The following TMEM278 variants were observed in gnomAD, a reference collection of about 807,000 sequenced individuals.
TMEM278 encodes the protein transmembrane protein 88B.
the TMEM278 span, among the ~76,000 whole-genome samples, chr1:1,428,000 A>G: frequency 2.7e-5 from 2 of 74,726 alleles, no homozygotes; most frequent in Non-Finnish European, 6.8e-5. Context: ...AGGGGAAGAG[A>G]GGGGAGGGGA....
the TMEM278 span, among the ~76,000 whole-genome samples, chr1:1,425,889 T>G: frequency 6.6e-6 from 1 of 151,962 alleles, no homozygotes; most frequent in African/African-American, 2.4e-5. Context: ...AGGAGCTGGC[T>G]GGGGCTGGAG....
the TMEM278 span, chr1:1,427,758 G>A: frequency 2.4e-5 from 32 of 1,320,322 alleles, no homozygotes; most frequent in African/African-American, 2.6e-4. Flanking sequence ...GCGCCCCGAC[G>A]AGGACGAGCA....
At chr1:1,425,988 CT>C in the TMEM278 span, 1 of 1,248,590 alleles carries the variant, frequency 8.0e-7, no homozygotes, top group South Asian at 3.6e-5. Context: ...CAGGACCTCC[CT>C]AGCCAGGGTC....
chr1:1,427,585 C>A, the TMEM278 span: 1 of 1,235,216 alleles, frequency 8.1e-7, no homozygotes, highest in Non-Finnish European at 1.0e-6. Flanking sequence ...CGGTGCCGCG[C>A]GCTGTTCTCA....
At chr1:1,426,163 G>C in the TMEM278 span, 5 of 1,415,340 alleles carry the variant, frequency 3.5e-6, no homozygotes, top group East Asian at 2.8e-5. Flanking sequence ...AGGAGGAGGA[G>C]GGGGGAGGTG....
chr1:1,427,799 C>T, the TMEM278 span: 4 of 1,379,990 alleles, frequency 2.9e-6, no homozygotes, highest in East Asian at 3.4e-5. Flanking sequence ...CCGGCGGCCG[C>T]TGCGAAACCC....
chr1:1,429,136 T>C, the TMEM278 span, among the ~76,000 whole-genome samples: 1 of 151,692 alleles, frequency 6.6e-6, no homozygotes, highest in Non-Finnish European at 1.5e-5. Context: ...GCCATTGCAC[T>C]CCAGCCTGGA....
the TMEM278 span, chr1:1,427,718 T>G: frequency 3.0e-6 from 4 of 1,317,938 alleles, no homozygotes; most frequent in Non-Finnish European, 3.9e-6. Flanking sequence ...CTCCGCCCGC[T>G]GGGACCCCCG....
chr1:1,427,933 C>T, the TMEM278 span: 395 of 636,684 alleles, frequency 6.2e-4, 1 homozygote, highest in Non-Finnish European at 1.6e-4. Flanking sequence ...CCGGCCTCCC[C>T]CGCCCGCAGC....
At chr1:1,426,330 T>C in the TMEM278 span, 1 of 1,459,074 alleles carries the variant, frequency 6.9e-7, no homozygotes, top group Non-Finnish European at 9.1e-7. Flanking sequence ...GCCTTCCTGC[T>C]GGTGCTCCTG....
the TMEM278 span, chr1:1,427,664 G>C: frequency 3.7e-6 from 5 of 1,338,892 alleles, no homozygotes; most frequent in South Asian, 9.1e-5. Flanking sequence ...TGCTCGCCTC[G>C]GCCGTCCGCG....
At chr1:1,427,699 C>G in the TMEM278 span, 2 of 1,326,964 alleles carry the variant, frequency 1.5e-6, no homozygotes, top group Non-Finnish European at 1.9e-6. Flanking sequence ...CGCCTCCGCC[C>G]GCTGCTGCCT....
At chr1:1,426,306 T>C in the TMEM278 span, 7 of 1,491,718 alleles carry the variant, frequency 4.7e-6, no homozygotes, top group Non-Finnish European at 6.3e-6. Flanking sequence ...CTGCACCTCC[T>C]GCTGCCCGCC....
chr1:1,427,218 A>C, the TMEM278 span, among the ~76,000 whole-genome samples: 72 of 82,032 alleles, frequency 8.8e-4, no homozygotes, highest in Admixed American at 1.2e-3. Context: ...CCTTTCCTCC[A>C]CCCCGCTCTC....
chr1:1,427,594 C>T, the TMEM278 span: 5 of 1,271,962 alleles, frequency 3.9e-6, no homozygotes, highest in Non-Finnish European at 4.9e-6. Context: ...GCGCTGTTCT[C>T]AGACCGCGGC....
the TMEM278 span, chr1:1,427,589 G>T: frequency 8.6e-7 from 1 of 1,167,654 alleles, no homozygotes; most frequent in Non-Finnish European, 1.0e-6. Flanking sequence ...GCCGCGCGCT[G>T]TTCTCAGACC....
the TMEM278 span, among the ~76,000 whole-genome samples, chr1:1,426,833 G>T: frequency 6.6e-6 from 1 of 152,008 alleles, no homozygotes; most frequent in African/African-American, 2.4e-5. Flanking sequence ...GCCCCTTTCT[G>T]CTGGCACGGG....
the TMEM278 span, among the ~76,000 whole-genome samples, chr1:1,429,791 CCT>C: frequency 6.6e-6 from 1 of 152,194 alleles, no homozygotes; most frequent in Non-Finnish European, 1.5e-5. Context: ...GCTCTCTGTC[CCT>C]GTGTGTGTCC....
the TMEM278 span, among the ~76,000 whole-genome samples, chr1:1,426,889 G>C: frequency 6.6e-6 from 1 of 151,914 alleles, no homozygotes; most frequent in African/African-American, 2.4e-5. Flanking sequence ...GGCAGAAGCG[G>C]GCAGAACGCG....
Sources: gnomAD v4.1 joint callset for allele counts (sites outside exome capture counted in the v4.1 genomes callset) on GRCh38, gnomAD v4.1.1 for gene constraint, MANE v1.5 for transcripts, NCBI Gene and HGNC (gene_info 2026-07-23, HGNC 2026-07-21) for gene names.